The following SLC44A1 variants were observed in gnomAD, a reference collection of about 807,000 sequenced individuals.
The protein encoded by SLC44A1 is choline transporter-like protein 1.
SLC44A1 carries 26 observed loss-of-function variants against 79.3 expected under a neutral mutation model. That is an observed-to-expected ratio of 0.33 (90% confidence interval 0.24 to 0.46). The LOEUF (loss-of-function observed/expected upper bound fraction) is 0.46. Among genes scored for constraint, SLC44A1 ranks in the 20% least tolerant of loss-of-function variants. The pLI, the probability that SLC44A1 is intolerant of heterozygous loss-of-function variation, is 1.00. For synonymous variants in SLC44A1, 263 were observed against 286.2 expected, an observed-to-expected ratio of 0.92 and a Z score of 0.82; for missense variants, 688 against 798.1, an observed-to-expected ratio of 0.86 and a Z score of 1.66.
chr9:105,344,305 G>A (rs1054278146), intron 4 of SLC44A1, among the ~76,000 whole-genome samples: 4 of 152,112 alleles, frequency 2.6e-5, no homozygotes, highest in African/African-American at 9.7e-5. Context: ...TTCAAATAAT[G>A]TGATGTTTTA....
intron 4 of SLC44A1, among the ~76,000 whole-genome samples, chr9:105,346,523 A>T (rs548268809): frequency 6.6e-6 from 1 of 152,258 alleles, no homozygotes; most frequent in South Asian, 2.1e-4. Context: ...CAGGAAGTTG[A>T]TAATCACATT....
intron 2 of SLC44A1, among the ~76,000 whole-genome samples, chr9:105,304,971 T>G (rs540148068): frequency 0.036 from 4,208 of 116,908 alleles, 226 homozygotes; most frequent in Non-Finnish European, 0.052. Context: ...TTTTTTTTTT[T>G]TTTTTTTTTT....
chr9:105,351,634 GAAAGAAAGAA>G (rs1391578934), intron 5 of SLC44A1, among the ~76,000 whole-genome samples: 4 of 133,268 alleles, frequency 3.0e-5, no homozygotes, highest in South Asian at 4.8e-4. Flanking sequence ...GAGAGAAAGA[GAAAGAAAGAA>G]AGAAAGAAAG....
chr9:105,393,411 C>G lies in SLC44A1; in HGVS notation c.*4355C>G, dbSNP rs1032458482. ...AACTTAAAAAACAAAACAAAAATTA[C>G]ACGTCGTGTACAGTTATGAATTTAG... On this transcript the variant is annotated 3_prime_UTR_variant, in exon 16 of 16. Coordinates refer to ENST00000374720, the MANE Select transcript of SLC44A1 (RefSeq NM_080546.5). The G allele has an allele frequency of 1.0e-6, 1 of 985,092 alleles. No individual in the cohort carries two copies. The highest frequency in any genetic ancestry group is 1.7e-5 in the African/African-American group (1 of 57,222). 61.0% of individuals were successfully genotyped at this position (985,092 alleles called of 1,614,324 possible). A position where few individuals can be genotyped will look rare whatever the true frequency, so the allele number is the denominator to read the frequency against.
chr9:105,363,862 TA>T (rs1409224609), intron 9 of SLC44A1, among the ~76,000 whole-genome samples: 2 of 152,222 alleles, frequency 1.3e-5, no homozygotes, highest in African/African-American at 4.8e-5. Flanking sequence ...GAATTTGAAG[TA>T]AGTTCCAATA....
chr9:105,360,314 C>G (rs1247763939), intron 7 of SLC44A1, among the ~76,000 whole-genome samples: 1 of 152,176 alleles, frequency 6.6e-6, no homozygotes, highest in Non-Finnish European at 1.5e-5. Flanking sequence ...CTTTCCCTAC[C>G]CAGACACTCT....
chr9:105,373,916 T>C (rs916557059), intron 12 of SLC44A1, among the ~76,000 whole-genome samples: 12 of 152,210 alleles, frequency 7.9e-5, no homozygotes, highest in African/African-American at 2.9e-4. Flanking sequence ...GAACCAATCA[T>C]TGTGGCCAGT....
At chr9:105,349,766 C>T (rs2131383045) in intron 5 of SLC44A1, among the ~76,000 whole-genome samples, 1 of 152,230 alleles carries the variant, frequency 6.6e-6, no homozygotes, top group South Asian at 2.1e-4. Flanking sequence ...AATATAGAAT[C>T]ATGCTCTCAA....
At chr9:105,247,454 C>T (rs969173523) in intron 1 of SLC44A1, among the ~76,000 whole-genome samples, 11 of 152,124 alleles carry the variant, frequency 7.2e-5, no homozygotes, top group African/African-American at 2.2e-4. Context: ...TGCACCAGCT[C>T]ATCTGGCTAA....
At chr9:105,265,039 G>T (rs1829928814) in intron 1 of SLC44A1, among the ~76,000 whole-genome samples, 1 of 152,084 alleles carries the variant, frequency 6.6e-6, no homozygotes, top group South Asian at 2.1e-4. Flanking sequence ...CAGACAATCT[G>T]CCCACCTTGG....
chr9:105,378,746 T>C (rs995068975), intron 13 of SLC44A1, among the ~76,000 whole-genome samples: 1 of 152,216 alleles, frequency 6.6e-6, no homozygotes, highest in South Asian at 2.1e-4. Flanking sequence ...AATATAGTTC[T>C]GGTCATAGAA....
rs1462102022 is a variant in SLC44A1, at chr9:105,394,521, AAT to A, written c.*5468_*5469del. The stretch of plus-strand genomic sequence containing the variant: ...ATTTGCAGTGAGCCAAAAAAAAAAA[AAT>A]ATCCAAGAAGAAATAAATAGGGAAT... On this transcript the variant is annotated 3_prime_UTR_variant, in exon 16 of 16. Coordinates refer to ENST00000374720, the MANE Select transcript of SLC44A1 (RefSeq NM_080546.5). 102 of 925,638 alleles carry A rather than the reference AAT, an allele frequency of 1.1e-4. 1 individual carries two copies. In the Middle Eastern group the frequency reaches 1.6e-3, roughly 15 times the overall value. The allele number at this position is 925,638 out of a possible 1,614,324, so 57.3% of individuals were successfully genotyped here.
At chr9:105,278,335 G>A (rs1229738830) in intron 1 of SLC44A1, among the ~76,000 whole-genome samples, 4 of 152,026 alleles carry the variant, frequency 2.6e-5, no homozygotes, top group Admixed American at 6.5e-5. Context: ...TGCAAACTCC[G>A]CCTCCCGGGT....
intron 2 of SLC44A1, among the ~76,000 whole-genome samples, chr9:105,305,427 C>T (rs986330451): frequency 6.6e-6 from 1 of 152,070 alleles, no homozygotes; most frequent in African/African-American, 2.4e-5. Flanking sequence ...GGCCTTTTAT[C>T]CTGCCCTATC....
intron 7 of SLC44A1, among the ~76,000 whole-genome samples, chr9:105,360,013 A>G (rs1384859529): frequency 6.6e-6 from 1 of 152,164 alleles, no homozygotes; most frequent in Non-Finnish European, 1.5e-5. Flanking sequence ...TCTACTCTGA[A>G]TCATCCATTT....
At chr9:105,381,710 A>G (rs920636875) in intron 13 of SLC44A1, among the ~76,000 whole-genome samples, 4 of 152,200 alleles carry the variant, frequency 2.6e-5, no homozygotes, top group African/African-American at 9.6e-5. Flanking sequence ...GTGTGTTGCT[A>G]CAAAAATGGT....
intron 15 of SLC44A1, among the ~76,000 whole-genome samples, chr9:105,414,048 T>TG (rs1009186881): frequency 1.4e-5 from 2 of 144,930 alleles, no homozygotes; most frequent in Admixed American, 6.8e-5. Flanking sequence ...AGTTAGTGTT[T>TG]GGTTTTTTTT....
chr9:105,333,597 G>A (rs561401192), intron 3 of SLC44A1, among the ~76,000 whole-genome samples: 2 of 152,286 alleles, frequency 1.3e-5, no homozygotes, highest in Non-Finnish European at 2.9e-5. Flanking sequence ...ATCACCTGAG[G>A]TCAGGAGTTC....
intron 12 of SLC44A1, among the ~76,000 whole-genome samples, chr9:105,374,313 A>G (rs1328669344): frequency 6.6e-6 from 1 of 152,248 alleles, no homozygotes; most frequent in Non-Finnish European, 1.5e-5. Flanking sequence ...TTGATTTACT[A>G]AAACAGGGAA....
Sources: allele counts gnomAD v4.1 joint callset (sites outside exome capture counted in the v4.1 genomes callset), GRCh38; gene constraint gnomAD v4.1.1; transcripts MANE v1.5; gene names NCBI Gene and HGNC (gene_info 2026-07-23, HGNC 2026-07-21).